The following WDR62 variants were observed in gnomAD, a reference collection of about 807,000 sequenced individuals.
WDR62 encodes WD repeat-containing protein 62.
In WDR62, 112 loss-of-function variants were observed where a neutral mutation model predicts 160.6. The ratio of observed to expected loss-of-function variants is 0.70; its 90% CI spans 0.60 to 0.82. WDR62 has a LOEUF of 0.82. WDR62 is among the 40% of genes least tolerant of loss of function. The pLI, the probability that WDR62 is intolerant of heterozygous loss-of-function variation, is 0.00. For missense variants in WDR62, 1,819 were observed against 1,983.8 expected, an observed-to-expected ratio of 0.92 and a Z score of 1.58; for synonymous variants, 792 against 815.1, an observed-to-expected ratio of 0.97 and a Z score of 0.48.
At chr19:36,059,912 A>G (rs368600818) in intron 2 of WDR62, 56 bp from the exon 3 acceptor site, 2 of 1,584,396 alleles carry the variant, frequency 1.3e-6, no homozygotes, top group East Asian at 4.5e-5. Flanking sequence ...GAATAGAATC[A>G]TCCCAGGACC....
chr19:36,059,318 T>C (rs1408871380), intron 2 of WDR62, among the ~76,000 whole-genome samples: 2 of 152,214 alleles, frequency 1.3e-5, no homozygotes, highest in African/African-American at 4.8e-5. Context: ...AGCCTGGCAC[T>C]GTGCTAAGGA....
chr19:36,102,228 C>A lies in WDR62; in HGVS notation c.3220+77C>A, dbSNP rs866392775. On this transcript the variant is annotated intron_variant, in intron 26 of 31. Coordinates refer to ENST00000401500, the MANE Select transcript of WDR62 (RefSeq NM_001083961.2). ...ACAGCATTGGCGTCCCTGGAGTTGG[C>A]TCCCCAGCAGGGCCAGGAGGGTGAG... 1.4e-5 allele frequency: 22 copies of A among 1,605,292 alleles called. No individual in the cohort carries two copies. In the Admixed American group the frequency reaches 3.7e-4, roughly 27 times the overall value.
intron 27 of WDR62, 26 bp from the exon 28 acceptor site, chr19:36,102,922 C>T: frequency 6.2e-7 from 1 of 1,614,152 alleles, no homozygotes; most frequent in East Asian, 2.2e-5. Flanking sequence ...GAATGAGAAT[C>T]ATCCCCCCTG....
chr19:36,086,925 G>A (rs1972273466), intron 13 of WDR62, 113 bp downstream of exon 13: 3 of 1,408,382 alleles, frequency 2.1e-6, no homozygotes, highest in Non-Finnish European at 1.9e-6. Flanking sequence ...TACAGTATCT[G>A]TGTACAGTAT....
At chr19:36,098,874 C>T (rs905772670) in intron 21 of WDR62, among the ~76,000 whole-genome samples, 3 of 152,112 alleles carry the variant, frequency 2.0e-5, no homozygotes, top group Non-Finnish European at 4.4e-5. Context: ...TTCCTTGAGC[C>T]CAAGGGTTTG....
At position 36,072,402 on chromosome 19, in the gene WDR62, C is replaced by T. The variant is rs1017092485; in HGVS notation, c.1043+686C>T. On this transcript the variant is annotated intron_variant, in intron 8 of 31. Coordinates refer to ENST00000401500, the MANE Select transcript of WDR62 (RefSeq NM_001083961.2). ...GGTGGGAGATGAGGCCAGTGTGGGG[C>T]GCCTGTAGTCTATCCTCAGGTCAGT... Among the ~76,000 whole-genome samples the T allele has an allele frequency of 5.3e-5, 8 of 152,048 alleles. No individual in the cohort carries two copies. In the East Asian group the frequency reaches 7.7e-4, roughly 15 times the overall value.
Position 36,073,260 on chromosome 19 carries a change from G to A in WDR62, c.1044-82G>A, listed in dbSNP as rs10425916. Reference sequence around the variant, plus strand: ...TACCATGAGGGATGGCATTGCCGGGGAGGCATCTCCACTGTCACTAGAGGT... The same window carrying A: ...TACCATGAGGGATGGCATTGCCGGGAAGGCATCTCCACTGTCACTAGAGGT... On this transcript the variant is annotated intron_variant, in intron 8 of 31. Transcript: ENST00000401500. 3 of 1,333,336 alleles carry A rather than the reference G, an allele frequency of 2.3e-6. No homozygotes were observed. The African/African-American group carries it at 4.3e-5, about 19-fold the overall frequency. 82.6% of individuals were successfully genotyped at this position (1,333,336 alleles called of 1,614,324 possible). A position where few individuals can be genotyped will look rare whatever the true frequency, so the allele number is the denominator to read the frequency against.
At chr19:36,076,001 T>C (rs1180136409) in intron 9 of WDR62, 2 of 152,226 alleles carry the variant, frequency 1.3e-5, no homozygotes. Context: ...GTAACTAGTT[T>C]TATTTAATAT....
chr19:36,094,556 A>AAATAAT lies in WDR62; in HGVS notation c.2467+409_2467+414dup, dbSNP rs146886399. Among the ~76,000 whole-genome samples the AAATAAT allele has an allele frequency of 5.3e-3, 782 of 148,868 alleles. 7 individuals carry two copies. The highest frequency in any genetic ancestry group is 0.033 in the South Asian group (156 of 4,686). On this transcript the variant is annotated intron_variant, in intron 20 of 31. Transcript: ENST00000401500. ...GCAACAGAGCAAGACTCCGTCTCAA[A>AAATAAT]AATAATAATAATAATAATAATATAA...
At chr19:36,068,569 C>A (rs1463056783) in intron 7 of WDR62, among the ~76,000 whole-genome samples, 2 of 152,190 alleles carry the variant, frequency 1.3e-5, no homozygotes, top group Non-Finnish European at 2.9e-5. Flanking sequence ...CTTAACGAGT[C>A]TGCTGCCTTC....
intron 7 of WDR62, among the ~76,000 whole-genome samples, chr19:36,071,338 C>T (rs897403404): frequency 6.6e-6 from 1 of 152,168 alleles, no homozygotes; most frequent in Admixed American, 6.5e-5. Flanking sequence ...ATTCTGTTTC[C>T]GTTCATGCCT....
Position 36,091,085 on chromosome 19 carries a change from T to C in WDR62, c.2035-115T>C, listed in dbSNP as rs4806271. 0.72 allele frequency: 626,775 copies of C among 868,202 alleles called. 227,658 individuals carry two copies. The highest frequency in any genetic ancestry group is 0.82 in the East Asian group (31,404 of 38,088). The allele number at this position is 868,202 out of a possible 1,614,324, so 53.8% of individuals were successfully genotyped here. The stretch of plus-strand genomic sequence containing the variant: ...CGTGTCGAATGGGAGCGGGAGCTCC[T>C]GCCCTGCCAGAGTCCCATGTGCTGT... On this transcript the variant is annotated intron_variant, in intron 16 of 31. Coordinates refer to ENST00000401500, the MANE Select transcript of WDR62 (RefSeq NM_001083961.2).
At chr19:36,101,371 C>T (rs1295263913) in intron 24 of WDR62, 54 bp downstream of exon 24, 2 of 1,469,426 alleles carry the variant, frequency 1.4e-6, no homozygotes, top group South Asian at 1.2e-5. Context: ...CAGCCAAGCC[C>T]CTTTCTGGGC....
chr19:36,084,516 G>A, intron 11 of WDR62, 137 bp from the exon 12 acceptor site: 1 of 784,340 alleles, frequency 1.3e-6, no homozygotes, highest in Non-Finnish European at 2.2e-6. Context: ...GAGAAAAGTG[G>A]TTGTGCATGT....
At chr19:36,081,048 C>T (rs914758176) in intron 9 of WDR62, among the ~76,000 whole-genome samples, 1 of 152,204 alleles carries the variant, frequency 6.6e-6, no homozygotes, top group Non-Finnish European at 1.5e-5. Flanking sequence ...GCCTCAGCCT[C>T]CCAAGTAGCT....
intron 8 of WDR62, among the ~76,000 whole-genome samples, chr19:36,072,729 G>A (rs886220335): frequency 1.3e-5 from 2 of 152,108 alleles, no homozygotes; most frequent in African/African-American, 4.8e-5. Context: ...GTGTTGTGTT[G>A]TAGTAGTCGG....
rs1265156638 is a variant in WDR62, at chr19:36,081,437, A to T, written c.1238A>T (p.Tyr413Phe). 2.1e-5 allele frequency: 34 copies of T among 1,613,766 alleles called. No individual in the cohort carries two copies. The highest frequency in any genetic ancestry group is 2.6e-5 in the Non-Finnish European group (31 of 1,180,032). Reference sequence around the variant, plus strand: ...CTTGTCCTCTGGGAACTGTAGGTGTATCCTGAGTTTGAAGACCAGAGAGCT... The same window carrying T: ...CTTGTCCTCTGGGAACTGTAGGTGTTTCCTGAGTTTGAAGACCAGAGAGCT... The part of the protein sequence containing the change: ...HSSYVWNVEV[Y>F]PEFEDQRACL... Residue 413 changes from tyrosine (Y) to phenylalanine (F), a missense_variant, in exon 10 of 32, where the codon TAT (tyrosine) becomes TTT (phenylalanine). Physicochemically the swap from Tyr to Phe is conservative, Grantham distance 22. This residue lies in a region of WDR62 where 934 missense variants were observed against 1,157.2 expected (regional missense o/e 0.81). Transcript: ENST00000401500.
At chr19:36,086,949 TG>T in intron 13 of WDR62, 137 bp downstream of exon 13, 1 of 1,313,500 alleles carries the variant, frequency 7.6e-7, no homozygotes, top group Non-Finnish European at 1.0e-6. Context: ...GAATAATGAC[TG>T]GGGCCGGGTG....
Position 36,084,636 on chromosome 19 carries a change from C to T in WDR62, c.1551-17C>T, listed in dbSNP as rs750593456. On this transcript the variant is annotated splice_polypyrimidine_tract_variant and intron_variant, in intron 11 of 31. Coordinates refer to ENST00000401500, the MANE Select transcript of WDR62 (RefSeq NM_001083961.2). ...GGCTGGGGTGTGGGGCTTCAGCGGG[C>T]GGTGTGTGTCTCCCAGGATCCACGA... The T allele has an allele frequency of 2.2e-5, 36 of 1,612,466 alleles. No homozygotes were observed. Among genetic ancestry groups the T allele is most frequent in the Middle Eastern group, 1.6e-4 (1 of 6,078 alleles).
Sources: allele counts gnomAD v4.1 joint callset (sites outside exome capture counted in the v4.1 genomes callset), GRCh38; gene constraint gnomAD v4.1.1; regional missense constraint gnomAD v4.1.1; transcripts MANE v1.5; gene names NCBI Gene and HGNC (gene_info 2026-07-23, HGNC 2026-07-21).